The following RHBDF1 variants were observed in gnomAD, a reference collection of about 807,000 sequenced individuals.
RHBDF1 encodes inactive rhomboid protein 1.
In RHBDF1, 80 loss-of-function variants were observed where a neutral mutation model predicts 98.6. The observed-to-expected ratio is 0.81, with a 90% confidence interval of 0.68 to 0.98. The LOEUF is 0.98. Ranked by LOEUF, RHBDF1 falls within the 50% of genes least tolerant of loss-of-function variation. The pLI is 0.00. For missense variants in RHBDF1, 1,116 were observed against 1,198.3 expected (o/e 0.93, Z 1.01); for synonymous variants, 512 against 486.8 (o/e 1.05, Z -0.68).
At chr16:69,983 G>C (rs1026148366) in intron 1 of RHBDF1, among the ~76,000 whole-genome samples, 1 of 140,906 alleles carries the variant, frequency 7.1e-6, no homozygotes, top group Non-Finnish European at 1.5e-5. Flanking sequence ...TGTGAGGGTA[G>C]TGCACAAAGG....
chr16:62,281 T>C (rs1346268034), intron 7 of RHBDF1: 3 of 716,344 alleles, frequency 4.2e-6, no homozygotes, highest in Non-Finnish European at 6.7e-6. Context: ...ATCACCTCTG[T>C]CACCTCCGCC....
chr16:62,203 C>T (rs1897660515), intron 7 of RHBDF1, 151 bp from the exon 8 acceptor site: 3 of 1,105,296 alleles, frequency 2.7e-6, no homozygotes, highest in South Asian at 3.4e-5. Context: ...AAAAAAGCAA[C>T]ACTGCGGGCC....
Sources: allele counts gnomAD v4.1 joint callset (sites outside exome capture counted in the v4.1 genomes callset), GRCh38; gene constraint gnomAD v4.1.1; transcripts MANE v1.5; gene names NCBI Gene and HGNC (gene_info 2026-07-23, HGNC 2026-07-21).